The following RPAIN variants were observed in gnomAD, a reference collection of about 807,000 sequenced individuals.
RPAIN encodes the protein RPA interacting protein, also known as RPA-interacting protein.
Under a neutral mutation model 30.5 loss-of-function variants are expected in RPAIN, and 29 were observed. That is an observed-to-expected ratio of 0.95 (90% confidence interval 0.71 to 1.30). The LOEUF is 1.30. Ranked by LOEUF, RPAIN falls within the 50% of genes most tolerant of loss-of-function variation. RPAIN has a pLI of 0.00. For synonymous variants in RPAIN, 101 were observed against 93.5 expected, an observed-to-expected ratio of 1.08 and a Z score of -0.46; for missense variants, 247 against 264.7, an observed-to-expected ratio of 0.93 and a Z score of 0.46.
chr17:5,425,170 A>C (rs1915252916), intron 3 of RPAIN: 2 of 382,500 alleles, frequency 5.2e-6, no homozygotes, highest in Non-Finnish European at 1.0e-5. Context: ...TAATGTCTAG[A>C]CTGTGAGCTC....
chr17:5,427,968 A>G, intron 5 of RPAIN, 103 bp from the exon 6 acceptor site: 7 of 1,151,838 alleles, frequency 6.1e-6, no homozygotes, highest in Non-Finnish European at 9.1e-6. Flanking sequence ...GAGTCAAGCC[A>G]TCACAGTGAG....
chr17:5,420,398 C>A, intron 1 of RPAIN, 107 bp downstream of exon 1: 1 of 953,454 alleles, frequency 1.0e-6, no homozygotes, highest in South Asian at 1.6e-5. Context: ...CGCAGCGCGC[C>A]TGGTCTGGTC....
intron 6 of RPAIN, chr17:5,428,969 G>T (rs1013728711): frequency 8.1e-5 from 78 of 962,184 alleles, no homozygotes; most frequent in Non-Finnish European, 7.7e-5. Flanking sequence ...AACCTACAGA[G>T]GTCATTTTTA....
chr17:5,427,854 C>T (rs1034570038), intron 5 of RPAIN: 8 of 570,004 alleles, frequency 1.4e-5, no homozygotes, highest in African/African-American at 3.8e-5. Context: ...GTGTGTTTGA[C>T]AGCAGGAGTA....
At chr17:5,429,095 ACACATCTCT>A in intron 6 of RPAIN, 1 of 985,324 alleles carries the variant, frequency 1.0e-6, no homozygotes, top group Non-Finnish European at 1.2e-6. Flanking sequence ...ATTGAGAAAT[ACACATCTCT>A]CACAGAGCTC....
chr17:5,425,341 T>C (rs8067738), intron 3 of RPAIN: 110,801 of 339,140 alleles, frequency 0.33, 8,408 homozygotes, highest in East Asian at 0.64. Context: ...AGTTCTCTCT[T>C]TTTTTTTTTT....
intron 6 of RPAIN, chr17:5,429,090 G>A (rs1385238564): frequency 1.0e-6 from 1 of 985,192 alleles, no homozygotes; most frequent in Non-Finnish European, 1.2e-6. Flanking sequence ...TTAACATTGA[G>A]AAATACACAT....
At chr17:5,427,920 G>A (rs983168281) in intron 5 of RPAIN, 151 bp from the exon 6 acceptor site, 1 of 726,944 alleles carries the variant, frequency 1.4e-6, no homozygotes, top group African/African-American at 1.8e-5. Context: ...AAGAGATCTT[G>A]GTACAGTCAT....
At position 5,426,084 on chromosome 17, in the gene RPAIN, T is replaced by TA. The variant is rs1597342804; in HGVS notation, c.425+4dup. 6.9e-6 allele frequency: 11 copies of TA among 1,605,030 alleles called. No individual in the cohort carries two copies. The highest frequency in any genetic ancestry group is 9.4e-6 in the Non-Finnish European group (11 of 1,172,038). On this transcript the variant is annotated splice_region_variant and intron_variant, in intron 4 of 6. Coordinates refer to ENST00000381209, the MANE Select transcript of RPAIN (RefSeq NM_001033002.4). ...ACTCATCTGTCCTGTATGTACAAAG[T>TA]AAGAGTTTTTAAAACCTTTTCAGCA... is the stretch of plus-strand genomic sequence containing the variant.
intron 2 of RPAIN, chr17:5,421,743 A>C (rs1448252629): frequency 4.1e-6 from 1 of 243,048 alleles, no homozygotes; most frequent in East Asian, 8.3e-5. Context: ...CACCCTTGGA[A>C]ATTATGATTC....
In RPAIN at chr17:5,420,255, G is replaced by A. The variant is rs773635837; in HGVS notation, c.45G>A (p.Leu15=). 5.6e-6 allele frequency: 9 copies of A among 1,613,846 alleles called. No homozygotes were observed. In the East Asian group the frequency reaches 2.0e-4, roughly 36 times the overall value. The change falls in exon 1 of 7, where the codon CTG becomes CTA. Residue 15 remains leucine, a synonymous_variant. Transcript: ENST00000381209. ...CTCCGCGCCGCTCCCTGTACAAACT[G>A]GTGGGCTCGCCGCCTTGGAAAGAGG... ...LRSPRRSLYK[L]VGSPPWKEAF...
intron 6 of RPAIN, chr17:5,432,286 T>G: frequency 2.3e-6 from 1 of 442,226 alleles, no homozygotes; most frequent in South Asian, 4.1e-5. Flanking sequence ...GATTAGTTCA[T>G]CTACAGGATT....
chr17:5,422,671 A>C (rs1243556978), intron 2 of RPAIN, 98 bp from the exon 3 acceptor site: 1 of 1,038,302 alleles, frequency 9.6e-7, no homozygotes. Context: ...TGTCCAATAA[A>C]TCTGGGTTCT....
intron 6 of RPAIN, chr17:5,429,292 G>C: frequency 1.0e-6 from 1 of 985,498 alleles, no homozygotes. Context: ...TGGAGATCTG[G>C]TGAGTTGTGG....
chr17:5,430,123 G>C (rs993327490), intron 6 of RPAIN: 1 of 150,754 alleles, frequency 6.6e-6, no homozygotes, highest in Non-Finnish European at 1.5e-5. Flanking sequence ...AGCTGAGATC[G>C]TGCTGCTGGA....
intron 5 of RPAIN, chr17:5,427,043 AAAT>A (rs1915468346): frequency 6.6e-6 from 1 of 152,184 alleles, no homozygotes; most frequent in Non-Finnish European, 1.5e-5. Flanking sequence ...CAAATTATAA[AAAT>A]AAAATGTTTT....
intron 3 of RPAIN, among the ~76,000 whole-genome samples, chr17:5,424,024 G>A (rs949552663): frequency 7.3e-6 from 1 of 136,098 alleles, no homozygotes. Flanking sequence ...TTCTTGCTCT[G>A]TTGCCCAGGC....
In RPAIN at chr17:5,421,371, G is replaced by C. The variant is rs780222255; in HGVS notation, c.157G>C (p.Gly53Arg). The C allele has an allele frequency of 1.9e-6, 3 of 1,613,916 alleles. No homozygotes were observed. Among genetic ancestry groups the C allele is most frequent in the Non-Finnish European group, 2.5e-6 (3 of 1,179,990 alleles). Residue 53 changes from glycine to arginine, a missense_variant, in exon 2 of 7, where the codon GGG (glycine) becomes CGG (arginine). Gly to Arg is a moderately radical substitution (Grantham distance 125). Transcript: ENST00000381209. ...RYRQAGSSGP[G>R]NSQNSFLVQE... is the part of the protein sequence containing the mutation. ...CCGCCAGGCTGGAAGCAGTGGGCCA[G>C]GGAATTCTCAGAACAGCTTTCTAGT... is the stretch of plus-strand genomic sequence containing the variant.
In RPAIN at chr17:5,421,400, A is replaced by T. The variant is rs1914807484; in HGVS notation, c.186A>T (p.Gln62His). The T allele has an allele frequency of 6.2e-7, 1 of 1,614,130 alleles. No individual in the cohort carries two copies. Among genetic ancestry groups the T allele is most frequent in the Non-Finnish European group, 8.5e-7 (1 of 1,180,020 alleles). Residue 62 changes from glutamine to histidine, a missense_variant, in exon 2 of 7, where the codon CAA becomes CAT. By Grantham distance (24) the Gln-to-His change is conservative (BLOSUM62 0). Coordinates refer to ENST00000381209, the MANE Select transcript of RPAIN (RefSeq NM_001033002.4). ...PGNSQNSFLV[Q>H]EVMEEEWNAL... ...ATTCTCAGAACAGCTTTCTAGTTCA[A>T]GAGGTGATGGAAGAAGAGTGGAATG...
Sources: gnomAD v4.1 joint callset for allele counts (sites outside exome capture counted in the v4.1 genomes callset) on GRCh38, gnomAD v4.1.1 for gene constraint, MANE v1.5 for transcripts, NCBI Gene and HGNC (gene_info 2026-07-23, HGNC 2026-07-21) for gene names.